The following ARMCX4 variants were observed in gnomAD, a reference collection of about 807,000 sequenced individuals.
ARMCX4 encodes armadillo repeat-containing X-linked protein 4.
Under a neutral mutation model 34.7 loss-of-function variants are expected in ARMCX4, and 3 were observed. The observed-to-expected ratio is 0.09, with a 90% CI of 0.04 to 0.22. The LOEUF (loss-of-function observed/expected upper bound fraction) is 0.22, where lower values mean the gene tolerates loss of function less well. ARMCX4 is among the 10% of genes least tolerant of loss of function. ARMCX4 has a pLI of 1.00. For synonymous variants in ARMCX4, 513 were observed against 632.8 expected, an observed-to-expected ratio of 0.81 and a Z score of 2.84; for missense variants, 1,448 against 1,720.8, an observed-to-expected ratio of 0.84 and a Z score of 2.81.
At chrX:101,507,318 C>A (rs1343994695) in intron 8 of ARMCX4, among the ~76,000 whole-genome samples, 2 of 111,477 alleles carry the variant, frequency 1.8e-5, no homozygotes, top group Non-Finnish European at 3.8e-5. Context: ...TCTCACTTTC[C>A]CCATATTTAA....
downstream of ARMCX4, among the ~76,000 whole-genome samples, chrX:101,497,703 C>T (rs1484839025): frequency 3.6e-5 from 4 of 111,609 alleles, no homozygotes; most frequent in Non-Finnish European, 7.5e-5. Flanking sequence ...ATATTTATGC[C>T]TACATATTTG....
chrX:101,458,048 A>T (rs1399816655), intron 4 of ARMCX4, among the ~76,000 whole-genome samples: 1 of 111,055 alleles, frequency 9.0e-6, no homozygotes, highest in Non-Finnish European at 1.9e-5. Context: ...GGCCTAAAAA[A>T]CCTTCTGTAA....
chrX:101,491,564 C>A lies in ARMCX4; in HGVS notation c.2975C>A (p.Ala992Asp), dbSNP rs1417089617. The change falls in exon 6 of 6, where the codon GCT becomes GAT. Residue 992 changes from alanine to aspartate, a missense_variant. Ala to Asp is a moderately radical substitution (Grantham distance 126). Coordinates refer to ENST00000423738, the MANE Select transcript of ARMCX4 (RefSeq NM_001256155.3). The part of the protein sequence containing the change: ...ADTVGSAQPQ[A>D]VANSQSETLL... ...ACAGTGGGCTCTGCCCAGCCCCAAG[C>A]TGTCGCTAATTCCCAGAGTGAGACC... 1.8e-5 allele frequency: 21 copies of A among 1,152,442 alleles called. No homozygotes were observed. The highest frequency in any genetic ancestry group is 2.4e-5 in the Non-Finnish European group (21 of 871,888). The allele number at this position is 1,152,442 out of a possible 1,213,427, so 95.0% of individuals were successfully genotyped here. A position where few individuals can be genotyped will look rare whatever the true frequency, so the allele number is the denominator to read the frequency against.
At chrX:101,503,942 C>G (rs1934376390) in intron 7 of ARMCX4, among the ~76,000 whole-genome samples, 1 of 111,423 alleles carries the variant, frequency 9.0e-6, no homozygotes, top group Admixed American at 9.5e-5. Context: ...AGTCTTTAAT[C>G]CATCTTGAAT....
At chrX:101,497,275 C>T (rs1225059506), downstream of ARMCX4, among the ~76,000 whole-genome samples, 8 of 109,528 alleles carry the variant, frequency 7.3e-5, no homozygotes, top group African/African-American at 2.7e-4. Flanking sequence ...CTCCCTCTGT[C>T]GCCCAGGCTG....
At chrX:101,434,526 G>C (rs781827468) in intron 2 of ARMCX4, among the ~76,000 whole-genome samples, 3 of 111,432 alleles carry the variant, frequency 2.7e-5, no homozygotes, top group Admixed American at 9.6e-5. Flanking sequence ...AATTATAGGC[G>C]TGAGCCACTG....
chrX:101,471,672 A>T (rs192849264), intron 4 of ARMCX4, among the ~76,000 whole-genome samples: 1 of 111,225 alleles, frequency 9.0e-6, no homozygotes, highest in Admixed American at 9.6e-5. Context: ...CAGCCTAACT[A>T]GGAGGCACCC....
chrX:101,422,706 T>C (rs4986642), intron 2 of ARMCX4, among the ~76,000 whole-genome samples: 7,057 of 110,862 alleles, frequency 0.064, 224 homozygotes, highest in South Asian at 0.28. Context: ...ATGATCAATT[T>C]TGTTTCAGAA....
At chrX:101,531,054 T>C (rs1220773309) in intron 11 of ARMCX4, among the ~76,000 whole-genome samples, 2 of 112,045 alleles carry the variant, frequency 1.8e-5, no homozygotes, top group Non-Finnish European at 3.8e-5. Context: ...TTGAAAGGGC[T>C]GTGTTACCAC....
chrX:101,469,801 G>A (rs1686196297), intron 4 of ARMCX4, among the ~76,000 whole-genome samples: 1 of 111,333 alleles, frequency 9.0e-6, no homozygotes, highest in Non-Finnish European at 1.9e-5. Flanking sequence ...CTAAAATAGG[G>A]ACTGGGCTGA....
In ARMCX4 at chrX:101,490,500, G is replaced by C; in HGVS notation, c.1911G>C (p.Gln637His). 1.7e-6 allele frequency: 2 copies of C among 1,156,193 alleles called. No individual in the cohort carries two copies. Among genetic ancestry groups the C allele is most frequent in the Non-Finnish European group, 2.3e-6 (2 of 872,975 alleles). The change falls in exon 6 of 6, where the codon CAG becomes CAC. Residue 637 changes from glutamine to histidine, a missense_variant. This residue lies in a region of ARMCX4 where 1,343 missense variants were observed against 1,540.7 expected (regional missense o/e 0.87). Transcript: ENST00000423738. ...SAQPEAVVSFQGEALLGTKNK... is the reference protein window; with the variant it reads ...SAQPEAVVSFHGEALLGTKNK... ...AGCCTGAGGCAGTGGTCAGTTTCCA[G>C]GGTGAGGCCTTGCTTGGCACCAAGA...
downstream of ARMCX4, among the ~76,000 whole-genome samples, chrX:101,448,985 C>T (rs1296287904): frequency 9.8e-6 from 1 of 101,891 alleles, no homozygotes; most frequent in South Asian, 4.6e-4. Flanking sequence ...AATCTTGGCT[C>T]GCTGCAACCT....
At chrX:101,524,811 A>G (rs1556020024) in intron 11 of ARMCX4, among the ~76,000 whole-genome samples, 1 of 111,801 alleles carries the variant, frequency 8.9e-6, no homozygotes, top group Non-Finnish European at 1.9e-5. Flanking sequence ...AACTGGGTGG[A>G]GCCCACCACA....
intron 11 of ARMCX4, among the ~76,000 whole-genome samples, chrX:101,526,293 T>A (rs1428145150): frequency 1.8e-5 from 2 of 111,952 alleles, no homozygotes; most frequent in Non-Finnish European, 3.8e-5. Flanking sequence ...TGAGAGATTT[T>A]GTCACCACCA....
rs1211256955 is a variant in ARMCX4 at position 101,493,422 on chromosome X, G to T, written c.4833G>T (p.Trp1611Cys). The change falls in exon 6 of 6, where the codon TGG (tryptophan) becomes TGT (cysteine). Residue 1611 changes from tryptophan (W) to cysteine (C), a missense_variant. Physicochemically the swap from Trp to Cys is radical, Grantham distance 215 (BLOSUM62 -2). Around this residue, in one of 2 missense-constraint regions of ARMCX4, gnomAD observed 1,343 missense variants for 1,540.7 expected, o/e 0.87. Transcript: ENST00000423738. The part of the protein sequence containing the change: ...SEDQSSGIGS[W>C]GVAGGQVLGG... ...ATCAGTCCAGTGGAATAGGTTCCTG[G>T]GGTGTGGCTGGTGGCCAGGTCCTTG... 11 of 1,153,188 alleles carry T rather than the reference G, an allele frequency of 9.5e-6. No homozygotes were observed. The highest frequency in any genetic ancestry group is 1.0e-5 in the Non-Finnish European group (9 of 872,294).
rs1934064819 is a variant in ARMCX4 at position 101,493,534 on chromosome X, G to A, written c.4945G>A (p.Gly1649Arg). 2 of 1,152,920 alleles carry A rather than the reference G, an allele frequency of 1.7e-6. No individual in the cohort carries two copies. The highest frequency in any genetic ancestry group is 3.6e-5 in the African/African-American group (2 of 55,462). Residue 1649 changes from glycine (G) to arginine (R), a missense_variant, in exon 6 of 6, where the codon GGG becomes AGG. Transcript: ENST00000423738. ...GNQSSGRSWI[G>R]PGDQAVDCSK... Reference sequence around the variant, plus strand: ...TCAGTCCAGTGGAAGGTCCTGGATTGGGCCTGGGGATCAGGCTGTTGACTG... The same window carrying A: ...TCAGTCCAGTGGAAGGTCCTGGATTAGGCCTGGGGATCAGGCTGTTGACTG...
In ARMCX4 at chrX:101,494,680, C is replaced by T. The variant is rs965592746; in HGVS notation, c.6091C>T (p.Arg2031Cys). Residue 2031 changes from arginine to cysteine, a missense_variant, in exon 6 of 6, where the codon CGC becomes TGC. Arg to Cys is a radical substitution (Grantham distance 180). Coordinates refer to ENST00000423738, the MANE Select transcript of ARMCX4 (RefSeq NM_001256155.3). ...GGAAAAAACTCGGCCCTGGTCTTGCCGCTGTAAACACGAAGCTAATATGGA... is the reference window on the plus strand; with the variant it reads ...GGAAAAAACTCGGCCCTGGTCTTGCTGCTGTAAACACGAAGCTAATATGGA... ...TGEKTRPWSC[R>C]CKHEANMDPR... 4.3e-6 allele frequency: 5 copies of T among 1,153,812 alleles called. No homozygotes were observed. In the South Asian group the frequency reaches 5.7e-5, roughly 13 times the overall value.
At chrX:101,442,396 C>T (rs1241179113) in intron 2 of ARMCX4, among the ~76,000 whole-genome samples, 4 of 111,338 alleles carry the variant, frequency 3.6e-5, no homozygotes, top group African/African-American at 1.3e-4. Flanking sequence ...CAGATTAGTA[C>T]AGCACAAGAC....
intron 7 of ARMCX4, among the ~76,000 whole-genome samples, chrX:101,504,209 G>A (rs1191029131): frequency 1.8e-5 from 2 of 111,660 alleles, no homozygotes; most frequent in African/African-American, 6.5e-5. Context: ...ATAGTTTGAA[G>A]TCAGGTAGCC....
Sources: gnomAD v4.1 joint callset for allele counts (sites outside exome capture counted in the v4.1 genomes callset) on GRCh38, gnomAD v4.1.1 for gene constraint, gnomAD v4.1.1 regional missense constraint, MANE v1.5 for transcripts, NCBI Gene and HGNC (gene_info 2026-07-23, HGNC 2026-07-21) for gene names.